STYXL1: variants seen among roughly 807,000 people sequenced by gnomAD.
STYXL1 encodes serine/threonine/tyrosine-interacting-like protein 1.
Under a neutral mutation model 36.4 loss-of-function variants are expected in STYXL1, and 32 were observed. That is an observed-to-expected ratio of 0.88 (90% CI 0.66 to 1.18). STYXL1 has a LOEUF of 1.18. Ranked by LOEUF, STYXL1 falls within the 50% of genes most tolerant of loss-of-function variation. STYXL1 has a pLI of 0.00. For missense variants in STYXL1, 354 were observed against 394.1 expected (o/e 0.90, Z 0.86); for synonymous variants, 133 against 144.1 (o/e 0.92, Z 0.55).
chr7:76,001,785 G>A (rs1392027405), intron 7 of STYXL1, among the ~76,000 whole-genome samples: 1 of 145,336 alleles, frequency 6.9e-6, no homozygotes, highest in East Asian at 2.0e-4. Flanking sequence ...ATGAGCCACT[G>A]CGCCTGATTT....
chr7:75,996,714 T>C (rs944533276), intron 8 of STYXL1, 115 bp from the exon 9 acceptor site: 6 of 983,816 alleles, frequency 6.1e-6, no homozygotes, highest in Middle Eastern at 2.5e-4. Context: ...CAACACGGCT[T>C]AAGGGCTGGA....
rs946032530 is a variant in STYXL1 at position 76,028,776 on chromosome 7, C to T, written c.104-73G>A. ...ACCAAACTACTCAGAGGACCTACGT[C>T]GTCATCAACGTCTATTTGTTTGGCA... On this transcript the variant is annotated intron_variant, in intron 2 of 8. Transcript: ENST00000359697. 18 of 1,289,836 alleles carry T rather than the reference C, an allele frequency of 1.4e-5. No homozygotes were observed. In the Admixed American group the frequency reaches 2.5e-4, roughly 18 times the overall value. 79.9% of individuals were successfully genotyped at this position (1,289,836 alleles called of 1,614,324 possible).
intron 3 of STYXL1, among the ~76,000 whole-genome samples, chr7:76,025,993 G>C (rs1554577583): frequency 6.6e-6 from 1 of 150,630 alleles, no homozygotes; most frequent in East Asian, 2.0e-4. Context: ...AAGATCGAGA[G>C]CATCCTGGCT....
chr7:76,046,401 C>A (rs13240404), intron 1 of STYXL1, among the ~76,000 whole-genome samples: 1 of 142,004 alleles, frequency 7.0e-6, no homozygotes, highest in Non-Finnish European at 1.6e-5. Context: ...GGATGGAGTA[C>A]AATGGCACAA....
chr7:76,007,498 A>C (rs1252563693), intron 5 of STYXL1, among the ~76,000 whole-genome samples: 4 of 152,160 alleles, frequency 2.6e-5, no homozygotes, highest in Admixed American at 6.6e-5. Context: ...CAGGGAGTTG[A>C]AGATCCAAGG....
chr7:76,005,798 C>CGAGA (rs144616727), intron 5 of STYXL1, among the ~76,000 whole-genome samples: 1 of 143,902 alleles, frequency 6.9e-6, no homozygotes, highest in Non-Finnish European at 1.5e-5. Context: ...ATTTAAGCAT[C>CGAGA]GAGAGAGAGA....
At chr7:76,012,191 T>C (rs782409703) in intron 5 of STYXL1, among the ~76,000 whole-genome samples, 3 of 152,112 alleles carry the variant, frequency 2.0e-5, no homozygotes, top group African/African-American at 7.2e-5. Context: ...AGGCTGGTCT[T>C]GAACTCCTGA....
At chr7:75,997,143 A>G (rs1790225345) in intron 8 of STYXL1, among the ~76,000 whole-genome samples, 1 of 152,152 alleles carries the variant, frequency 6.6e-6, no homozygotes, top group South Asian at 2.1e-4. Flanking sequence ...TAGGAACAGA[A>G]GGAAATGGCC....
intron 4 of STYXL1, among the ~76,000 whole-genome samples, chr7:76,017,173 C>A (rs554111271): frequency 1.3e-5 from 2 of 152,184 alleles, no homozygotes; most frequent in East Asian, 1.9e-4. Flanking sequence ...CAGGCATGCA[C>A]CACCATGCCC....
intron 3 of STYXL1, among the ~76,000 whole-genome samples, chr7:76,028,234 A>G (rs1213535245): frequency 1.3e-5 from 2 of 151,934 alleles, no homozygotes; most frequent in Non-Finnish European, 2.9e-5. Flanking sequence ...GGGTTTCACC[A>G]TGTTGGCCAG....
Position 76,037,320 on chromosome 7 carries a change from G to A in STYXL1, c.-4-6793C>T, listed in dbSNP as rs894351071. Among the ~76,000 whole-genome samples the A allele has an allele frequency of 1.3e-5, 2 of 150,442 alleles. 1 individual carries two copies. Among genetic ancestry groups the A allele is most frequent in the Non-Finnish European group, 3.0e-5 (2 of 67,222 alleles). On this transcript the variant is annotated intron_variant, in intron 1 of 8. Coordinates refer to ENST00000359697, the MANE Select transcript of STYXL1 (RefSeq NM_001317785.2). ...CACACAGTACACCCACCAGGGGGAA[G>A]GTCTGTCACCTTCCATATGACCACC... is the stretch of plus-strand genomic sequence containing the variant.
chr7:76,042,759 A>C (rs1554582481), intron 1 of STYXL1, among the ~76,000 whole-genome samples: 1 of 152,048 alleles, frequency 6.6e-6, no homozygotes, highest in Non-Finnish European at 1.5e-5. Flanking sequence ...GATCTCATAC[A>C]ATTTCACCTA....
At chr7:76,008,160 T>C (rs959584417) in intron 5 of STYXL1, among the ~76,000 whole-genome samples, 16 of 117,908 alleles carry the variant, frequency 1.4e-4, no homozygotes, top group African/African-American at 1.3e-4. Flanking sequence ...GATTGTGCCA[T>C]TGCACTCCAG....
In STYXL1 at chr7:75,996,450, G is replaced by A. The variant is rs202209094; in HGVS notation, c.*18C>T. 2.4e-5 allele frequency: 38 copies of A among 1,614,112 alleles called. No homozygotes were observed. The highest frequency in any genetic ancestry group is 1.6e-4 in the Middle Eastern group (1 of 6,062). On this transcript the variant is annotated 3_prime_UTR_variant, in exon 9 of 9. Coordinates refer to ENST00000359697, the MANE Select transcript of STYXL1 (RefSeq NM_001317785.2). ...CAGGTGAGGCTCTTCAGTACCCTTC[G>A]GTGGGCCTCGGAGAAGATCAGTAGA... is the stretch of plus-strand genomic sequence containing the variant.
chr7:76,019,317 G>A (rs1793770825), intron 4 of STYXL1, among the ~76,000 whole-genome samples: 1 of 148,028 alleles, frequency 6.8e-6, no homozygotes, highest in African/African-American at 2.5e-5. Context: ...TTTTTTTAGA[G>A]ACAGGGTCTT....
rs138637469 is a variant in STYXL1 at position 76,008,525 on chromosome 7, C to T, written c.454-3121G>A. 3.3e-3 allele frequency among the ~76,000 whole-genome samples: 498 copies of T among 152,266 alleles called. 8 individuals are homozygous for T. The highest frequency in any genetic ancestry group is 0.011 in the African/African-American group (468 of 41,560). ...CACATCCTTCCCAAGCTACCAGCTTCGAAAGCCATTAGTAAAGAACAGACA... is the reference window on the plus strand; with the variant it reads ...CACATCCTTCCCAAGCTACCAGCTTTGAAAGCCATTAGTAAAGAACAGACA... On this transcript the variant is annotated intron_variant, in intron 5 of 8. Coordinates refer to ENST00000359697, the MANE Select transcript of STYXL1 (RefSeq NM_001317785.2).
At chr7:76,033,701 T>A (rs1795632439) in intron 1 of STYXL1, among the ~76,000 whole-genome samples, 1 of 152,090 alleles carries the variant, frequency 6.6e-6, no homozygotes, top group Non-Finnish European at 1.5e-5. Context: ...TCCACATGGG[T>A]CCTTCCTGTT....
intron 1 of STYXL1, among the ~76,000 whole-genome samples, chr7:76,038,425 T>C (rs73136016): frequency 6.9e-4 from 12 of 17,336 alleles, no homozygotes; most frequent in African/African-American, 8.1e-4. Flanking sequence ...GAATGACATT[T>C]TTTTTTTTTT....
intron 4 of STYXL1, among the ~76,000 whole-genome samples, chr7:76,017,556 C>T (rs114143946): frequency 0.017 from 2,611 of 151,578 alleles, 85 homozygotes; most frequent in African/African-American, 0.059. Flanking sequence ...CTGAAGAATA[C>T]GAGGAGGACA....
Sources: gnomAD v4.1 joint callset for allele counts (sites outside exome capture counted in the v4.1 genomes callset) on GRCh38, gnomAD v4.1.1 for gene constraint, MANE v1.5 for transcripts, NCBI Gene and HGNC (gene_info 2026-07-23, HGNC 2026-07-21) for gene names.